The following CHIC1 variants were observed in gnomAD, a reference collection of about 807,000 sequenced individuals.
The protein encoded by CHIC1 is cysteine rich hydrophobic domain 1, also known as cysteine-rich hydrophobic domain-containing protein 1.
CHIC1 carries 7 observed loss-of-function variants against 18.5 expected under a neutral mutation model. The observed-to-expected ratio is 0.38, with a 90% CI of 0.22 to 0.71. CHIC1 has a LOEUF of 0.71. Among genes scored for constraint, CHIC1 ranks in the 30% least tolerant of loss-of-function variants. The probability of loss-of-function intolerance (pLI) is 0.49; values close to 1 mark genes in which losing one functional copy is unlikely to be tolerated. For synonymous variants in CHIC1, 77 were observed against 73.5 expected (o/e 1.05, Z -0.25); for missense variants, 159 against 176.9 (o/e 0.90, Z 0.57).
chrX:73,641,674 C>T (rs1334225968), intron 3 of CHIC1, among the ~76,000 whole-genome samples: 1 of 108,883 alleles, frequency 9.2e-6, no homozygotes, highest in Non-Finnish European at 1.9e-5. Flanking sequence ...CCCCCTCCCC[C>T]CACACCACAA....
chrX:73,658,185 T>C (rs868047982), intron 3 of CHIC1, among the ~76,000 whole-genome samples: 1 of 105,649 alleles, frequency 9.5e-6, no homozygotes. Context: ...ATAGTTTTAG[T>C]AGGAATGGTA....
rs137900871 is a variant in CHIC1 at position 73,638,553 on chromosome X, G to A, written c.508-40773G>A. Among the ~76,000 whole-genome samples, 1,046 of 110,942 alleles carry A rather than the reference G, an allele frequency of 9.4e-3. 6 individuals are homozygous for A. The highest frequency in any genetic ancestry group is 0.033 in the African/African-American group (1,017 of 30,523). ...TAAAAAAAAAATATTTTAGGTTCAG[G>A]GTACATGTGCACGTTTGTCATATAG... On this transcript the variant is annotated intron_variant, in intron 3 of 5. Coordinates refer to ENST00000373502, the MANE Select transcript of CHIC1 (RefSeq NM_001039840.4).
intron 2 of CHIC1, among the ~76,000 whole-genome samples, chrX:73,579,554 C>A (rs1424873430): frequency 9.1e-6 from 1 of 110,314 alleles, no homozygotes; most frequent in Non-Finnish European, 1.9e-5. Flanking sequence ...GACTGTTGAC[C>A]TTTTCTGTCT....
intron 3 of CHIC1, among the ~76,000 whole-genome samples, chrX:73,623,111 T>C (rs932963418): frequency 2.4e-4 from 27 of 111,693 alleles, no homozygotes; most frequent in African/African-American, 8.8e-4. Context: ...AATTATGTGG[T>C]CAATTTTAGC....
intron 3 of CHIC1, among the ~76,000 whole-genome samples, chrX:73,633,778 T>C (rs1407526350): frequency 9.0e-6 from 1 of 111,296 alleles, no homozygotes; most frequent in African/African-American, 3.3e-5. Flanking sequence ...TGATCTGTCT[T>C]TGAGGATGCT....
At chrX:73,595,473 T>TG (rs2057603485) in intron 3 of CHIC1, among the ~76,000 whole-genome samples, 1 of 111,509 alleles carries the variant, frequency 9.0e-6, no homozygotes, top group Non-Finnish European at 1.9e-5. Context: ...GGCTTCCAGC[T>TG]TCACCCATGT....
intron 3 of CHIC1, among the ~76,000 whole-genome samples, chrX:73,669,921 G>T (rs746222281): frequency 7.1e-5 from 8 of 111,937 alleles, no homozygotes; most frequent in Non-Finnish European, 1.5e-4. Context: ...CTCCTGTCTT[G>T]CCTGAGTTGC....
At chrX:73,577,322 C>A in intron 1 of CHIC1, 85 bp from the exon 2 acceptor site, 1 of 698,639 alleles carries the variant, frequency 1.4e-6, no homozygotes, top group Non-Finnish European at 2.1e-6. Flanking sequence ...AAGAAAAATG[C>A]ATGGGTTTAT....
chrX:73,595,333 C>A (rs1045521686), intron 3 of CHIC1, among the ~76,000 whole-genome samples: 1 of 110,591 alleles, frequency 9.0e-6, no homozygotes, highest in Non-Finnish European at 1.9e-5. Flanking sequence ...TTACCCCCAC[C>A]CTCCGACAGG....
chrX:73,677,150 G>A (rs2058069460), intron 3 of CHIC1, among the ~76,000 whole-genome samples: 1 of 111,934 alleles, frequency 8.9e-6, no homozygotes, highest in African/African-American at 3.3e-5. Context: ...CTACTGGGGT[G>A]TGCCTCCCAG....
intron 3 of CHIC1, among the ~76,000 whole-genome samples, chrX:73,607,542 C>T (rs1408710024): frequency 1.8e-5 from 2 of 108,348 alleles, no homozygotes; most frequent in African/African-American, 7.2e-5. Flanking sequence ...AAAAAAAACA[C>T]TTCTGCAACT....
chrX:73,628,338 A>G (rs887222668), intron 3 of CHIC1, among the ~76,000 whole-genome samples: 1 of 111,655 alleles, frequency 9.0e-6, no homozygotes, highest in Non-Finnish European at 1.9e-5. Flanking sequence ...TGTTTCTGGG[A>G]CTATTTCAGC....
chrX:73,602,260 C>G (rs140726774), intron 3 of CHIC1, among the ~76,000 whole-genome samples: 1 of 109,045 alleles, frequency 9.2e-6, no homozygotes, highest in East Asian at 2.8e-4. Flanking sequence ...TTCTGTTTCT[C>G]TAATGACCAG....
intron 3 of CHIC1, among the ~76,000 whole-genome samples, chrX:73,657,292 C>A (rs918016932): frequency 6.3e-5 from 7 of 110,532 alleles, no homozygotes; most frequent in African/African-American, 2.3e-4. Context: ...GATCCCCGAC[C>A]TCATGATCCA....
intron 3 of CHIC1, among the ~76,000 whole-genome samples, chrX:73,599,270 C>T (rs1465172599): frequency 9.4e-6 from 1 of 106,041 alleles, no homozygotes. Context: ...AATTTTCTCC[C>T]ATTTTGTAGG....
chrX:73,580,633 T>C lies in CHIC1; in HGVS notation c.351+3172T>C, dbSNP rs750970342. Among the ~76,000 whole-genome samples, 512 of 110,721 alleles carry C rather than the reference T, an allele frequency of 4.6e-3. 1 individual carries two copies. Among genetic ancestry groups the C allele is most frequent in the Non-Finnish European group, 7.6e-3 (397 of 52,417 alleles). ...AACTGGAGAGAAAAGGCAAACATAATTAATGTATATCTGAGGAAAAAAATA... is the reference window on the plus strand; with the variant it reads ...AACTGGAGAGAAAAGGCAAACATAACTAATGTATATCTGAGGAAAAAAATA... On this transcript the variant is annotated intron_variant, in intron 2 of 5. Transcript: ENST00000373502.
intron 3 of CHIC1, among the ~76,000 whole-genome samples, chrX:73,595,034 C>T (rs1388205733): frequency 1.8e-5 from 2 of 111,358 alleles, no homozygotes; most frequent in Non-Finnish European, 3.8e-5. Flanking sequence ...CACCTTTTGG[C>T]TATTGGGAAT....
intron 3 of CHIC1, among the ~76,000 whole-genome samples, chrX:73,636,870 G>A (rs1435773131): frequency 9.1e-6 from 1 of 110,223 alleles, no homozygotes; most frequent in Admixed American, 9.7e-5. Flanking sequence ...ATACCCACTA[G>A]TGTAGGCTCA....
chrX:73,581,233 G>A (rs780910420), intron 2 of CHIC1, among the ~76,000 whole-genome samples: 23 of 110,511 alleles, frequency 2.1e-4, no homozygotes, highest in Non-Finnish European at 3.8e-4. Flanking sequence ...GTCCTGCTGC[G>A]GTTTGCTTAG....
Sources: gnomAD v4.1 joint callset for allele counts (sites outside exome capture counted in the v4.1 genomes callset) on GRCh38, gnomAD v4.1.1 for gene constraint, MANE v1.5 for transcripts, NCBI Gene and HGNC (gene_info 2026-07-23, HGNC 2026-07-21) for gene names.